TENM2: variants seen among roughly 807,000 people sequenced by gnomAD.
TENM2 encodes the protein teneurin-2.
TENM2 carries 52 observed loss-of-function variants against 245.2 expected under a neutral mutation model. That is an observed-to-expected ratio of 0.21 (90% confidence interval 0.17 to 0.27). The LOEUF (loss-of-function observed/expected upper bound fraction) is 0.27, where lower values mean the gene tolerates loss of function less well. TENM2 is among the 10% of genes least tolerant of loss of function. TENM2 has a pLI of 1.00. For missense variants in TENM2, 3,046 were observed against 3,666.8 expected, an observed-to-expected ratio of 0.83 and a Z score of 4.37; for synonymous variants, 1,363 against 1,438.9, an observed-to-expected ratio of 0.95 and a Z score of 1.19.
chr5:167,287,047 T>C (rs1754313034), intron 1 of TENM2, among the ~76,000 whole-genome samples: 2 of 152,168 alleles, frequency 1.3e-5, no homozygotes, highest in Admixed American at 6.5e-5. Flanking sequence ...AGGCCAAAAG[T>C]AGAAATAAAA....
chr5:168,216,880 C>T (rs769213069), exon 22 of TENM2: 50 of 1,613,842 alleles, frequency 3.1e-5, no homozygotes, highest in Middle Eastern at 1.6e-4. Flanking sequence ...ACCTCACTGC[C>T]GTCCGGCCGC....
intron 1 of TENM2, among the ~76,000 whole-genome samples, chr5:167,351,140 A>G (rs1235373740): frequency 7.5e-6 from 1 of 133,948 alleles, no homozygotes; most frequent in African/African-American, 2.5e-5. Context: ...TATATGGGAT[A>G]TATACATATG....
At chr5:167,752,747 T>C (rs1762043411) in intron 2 of TENM2, among the ~76,000 whole-genome samples, 1 of 152,162 alleles carries the variant, frequency 6.6e-6, no homozygotes, top group African/African-American at 2.4e-5. Context: ...TGAGTTTCTT[T>C]GGAAAAATAA....
chr5:168,061,828 A>G (rs974005254), intron 6 of TENM2, among the ~76,000 whole-genome samples: 1 of 152,204 alleles, frequency 6.6e-6, no homozygotes, highest in African/African-American at 2.4e-5. Flanking sequence ...GAGTAATAAC[A>G]TAATTTTAGA....
rs144206445 is a variant in TENM2 at position 167,423,932 on chromosome 5, C to T, written c.502+48459C>T. Among the ~76,000 whole-genome samples, 175 of 152,268 alleles carry T rather than the reference C, an allele frequency of 1.1e-3. 4 individuals are homozygous for T. The highest frequency in any genetic ancestry group is 3.8e-3 in the African/African-American group (159 of 41,566). ...CCTCCTCAACCCCTTAAATGTCCTG[C>T]GCTAATGGTAGCTGTCCCAAGTCCC... On this transcript the variant is annotated intron_variant, in intron 2 of 28. Transcript: ENST00000518659.
chr5:167,791,416 A>AATATATAATATATTATATATTT (rs995197231), intron 2 of TENM2, among the ~76,000 whole-genome samples: 21 of 120,734 alleles, frequency 1.7e-4, no homozygotes, highest in Non-Finnish European at 2.6e-4. Flanking sequence ...ATAGATATGA[A>AATATATAATATATTATATATTT]ATATATAATA....
intron 2 of TENM2, among the ~76,000 whole-genome samples, chr5:167,854,265 G>A (rs911876204): frequency 6.6e-6 from 1 of 152,130 alleles, no homozygotes; most frequent in African/African-American, 2.4e-5. Context: ...AGAAAATCAG[G>A]TCAAGCTAAA....
intron 3 of TENM2, among the ~76,000 whole-genome samples, chr5:167,934,214 T>G (rs79830605): frequency 0.013 from 2,027 of 152,316 alleles, 50 homozygotes; most frequent in African/African-American, 0.046. Context: ...CACATAATAT[T>G]ACATCAGATC....
At chr5:167,119,038 C>A in the TENM2 span, among the ~76,000 whole-genome samples, 1 of 152,214 alleles carries the variant, frequency 6.6e-6, no homozygotes. Context: ...CTAAGAACCA[C>A]CTGGGTCACA....
intron 3 of TENM2, among the ~76,000 whole-genome samples, chr5:167,919,474 G>A (rs924457697): frequency 1.3e-5 from 2 of 152,146 alleles, no homozygotes; most frequent in Non-Finnish European, 2.9e-5. Flanking sequence ...TGTGGTATTG[G>A]GTAGGAAGCC....
the TENM2 span, among the ~76,000 whole-genome samples, chr5:167,258,103 C>G: frequency 2.0e-5 from 3 of 151,370 alleles, no homozygotes; most frequent in African/African-American, 7.3e-5. Flanking sequence ...AAATGTTTTT[C>G]AAACCATAAT....
At chr5:167,491,120 T>C (rs7443457) in intron 2 of TENM2, among the ~76,000 whole-genome samples, 100,301 of 152,018 alleles carry the variant, frequency 0.66, 34,856 homozygotes, top group Non-Finnish European at 0.79. Context: ...TGTACTGAGA[T>C]TGGTAGAAAG....
chr5:167,709,490 C>G lies in TENM2; in HGVS notation c.503-166496C>G, dbSNP rs936032348. 1.3e-5 allele frequency among the ~76,000 whole-genome samples: 2 copies of G among 152,182 alleles called. 1 individual carries two copies. Among genetic ancestry groups the G allele is most frequent in the South Asian group, 4.1e-4 (2 of 4,822 alleles). ...ATACTTAGCTCTAATGTCCACAACA[C>G]TTATAACAGTAAAACTAGAGTGAAA... On this transcript the variant is annotated intron_variant, in intron 2 of 28. Coordinates refer to ENST00000518659, the Ensembl canonical transcript of TENM2.
At chr5:167,096,300 C>T in the TENM2 span, among the ~76,000 whole-genome samples, 1 of 151,994 alleles carries the variant, frequency 6.6e-6, no homozygotes, top group Non-Finnish European at 1.5e-5. Flanking sequence ...TTTGAAATGC[C>T]CTTTTCTGAT....
intron 2 of TENM2, among the ~76,000 whole-genome samples, chr5:167,610,934 A>G (rs1469741322): frequency 1.3e-5 from 2 of 152,162 alleles, no homozygotes; most frequent in African/African-American, 4.8e-5. Flanking sequence ...CATTCGTCAA[A>G]TTTTATTACA....
At chr5:167,127,164 T>A in the TENM2 span, among the ~76,000 whole-genome samples, 207 of 152,296 alleles carry the variant, frequency 1.4e-3, no homozygotes, top group Non-Finnish European at 2.2e-3. Flanking sequence ...TTGGTTAGTT[T>A]AGCAGAAGCA....
chr5:167,822,911 G>A (rs939798095), intron 2 of TENM2, among the ~76,000 whole-genome samples: 2 of 152,146 alleles, frequency 1.3e-5, no homozygotes, highest in Admixed American at 6.5e-5. Context: ...AGAAAAGAAC[G>A]GACGTTGGAA....
At chr5:168,212,533 CT>C (rs1419644523) in intron 20 of TENM2, among the ~76,000 whole-genome samples, 3 of 152,198 alleles carry the variant, frequency 2.0e-5, no homozygotes, top group African/African-American at 7.2e-5. Context: ...CGGAATGCTT[CT>C]GCTCACTTTT....
intron 2 of TENM2, among the ~76,000 whole-genome samples, chr5:167,612,108 G>A (rs1002861458): frequency 2.0e-5 from 3 of 152,066 alleles, no homozygotes; most frequent in South Asian, 2.1e-4. Flanking sequence ...AGAATTTAGC[G>A]AGTTACTATT....
Sources: gnomAD v4.1 joint callset for allele counts (sites outside exome capture counted in the v4.1 genomes callset) on GRCh38, gnomAD v4.1.1 for gene constraint, MANE v1.5 for transcripts, NCBI Gene and HGNC (gene_info 2026-07-23, HGNC 2026-07-21) for gene names.